The following CACNA1C variants were observed in gnomAD, a reference collection of about 807,000 sequenced individuals.
The protein encoded by CACNA1C is calcium voltage-gated channel subunit alpha1 C, also known as voltage-dependent L-type calcium channel subunit alpha-1C.
A neutral mutation model predicts 229.0 loss-of-function variants in CACNA1C; 30 were observed. The observed-to-expected ratio is 0.13, with a 90% CI of 0.10 to 0.18. The LOEUF is 0.18. CACNA1C is among the 10% of genes least tolerant of loss of function. CACNA1C has a pLI of 1.00. For missense variants in CACNA1C, 1,658 were observed against 2,845.0 expected (o/e 0.58, Z 9.49); for synonymous variants, 1,114 against 1,132.5 (o/e 0.98, Z 0.33).
In CACNA1C at chr12:2,608,508, C is replaced by T. The variant is rs757159281; in HGVS notation, c.3357-3C>T. 3 of 1,601,820 alleles carry T rather than the reference C, an allele frequency of 1.9e-6. No individual in the cohort carries two copies. Among genetic ancestry groups the T allele is most frequent in the Non-Finnish European group, 2.6e-6 (3 of 1,172,572 alleles). ...CCTCTGTGGGACCTGTCTCCTCCTG[C>T]AGGCTGCTGTACCGCTCCATCGACT... On this transcript the variant is annotated splice_polypyrimidine_tract_variant and splice_region_variant and intron_variant, in intron 26 of 46. Coordinates refer to ENST00000399655, the MANE Select transcript of CACNA1C (RefSeq NM_000719.7). This position sits in a 1 kb window ranked among gnomAD's most constrained non-coding sequence, Gnocchi z 4.2.
intron 3 of CACNA1C, among the ~76,000 whole-genome samples, chr12:2,124,258 G>C (rs548368067): frequency 6.6e-6 from 1 of 152,072 alleles, no homozygotes; most frequent in Non-Finnish European, 1.5e-5. Flanking sequence ...AAAGGGCCAG[G>C]GTGTCAGGGT....
intron 3 of CACNA1C, among the ~76,000 whole-genome samples, chr12:2,308,393 A>C (rs1227780378): frequency 6.6e-6 from 1 of 152,148 alleles, no homozygotes; most frequent in Non-Finnish European, 1.5e-5. Flanking sequence ...ATGGTGTGAG[A>C]TAAGGGTTCA....
At chr12:2,680,361 A>C (rs374272423) in intron 42 of CACNA1C, 2 of 1,546,358 alleles carry the variant, frequency 1.3e-6, no homozygotes, top group Non-Finnish European at 1.7e-6. Flanking sequence ...CCTGTGCTCT[A>C]GGATGCACTG....
chr12:2,418,336 G>T (rs1437429644), intron 3 of CACNA1C, among the ~76,000 whole-genome samples: 1 of 152,170 alleles, frequency 6.6e-6, no homozygotes, highest in Non-Finnish European at 1.5e-5. Context: ...GCTCCAAGGA[G>T]AGCAACCACT....
chr12:2,572,321 TTCC>T (rs1236389342), intron 13 of CACNA1C, among the ~76,000 whole-genome samples: 1 of 74,226 alleles, frequency 1.3e-5, no homozygotes, highest in Admixed American at 1.2e-4. Context: ...CCTCCTCCTC[TTCC>T]TCCTCCTTCT....
rs779722023 is a variant in CACNA1C, at chr12:2,669,041, G to A, written c.4726+6G>A. On this transcript the variant is annotated splice_donor_region_variant and intron_variant, in intron 38 of 46. Coordinates refer to ENST00000399655, the MANE Select transcript of CACNA1C (RefSeq NM_000719.7). ...CCTGAGGATCAAAACAGAAGGTAAG[G>A]TCGCCCGTGGGCACTGGGAGAGACA... The A allele has an allele frequency of 6.3e-7, 1 of 1,593,704 alleles. No homozygotes were observed. Among genetic ancestry groups the A allele is most frequent in the East Asian group, 2.2e-5 (1 of 44,776 alleles).
intron 3 of CACNA1C, among the ~76,000 whole-genome samples, chr12:2,426,331 A>G (rs2099031889): frequency 6.6e-6 from 1 of 152,230 alleles, no homozygotes; most frequent in Non-Finnish European, 1.5e-5. Context: ...AGTGTGTGAG[A>G]GATGCCACAA....
At position 2,468,799 on chromosome 12, in the gene CACNA1C, G is replaced by A. The variant is rs986615760; in HGVS notation, c.757+11093G>A. On this transcript the variant is annotated intron_variant, in intron 5 of 46. Coordinates refer to ENST00000399655, the MANE Select transcript of CACNA1C (RefSeq NM_000719.7). ...GTGAGGAGACCAGGGATCTAAGTCTGGCCAGCTGTGTGACCTTGTCATTTA... is the reference window on the plus strand; with the variant it reads ...GTGAGGAGACCAGGGATCTAAGTCTAGCCAGCTGTGTGACCTTGTCATTTA... 2.0e-5 allele frequency among the ~76,000 whole-genome samples: 3 copies of A among 152,336 alleles called. No individual in the cohort carries two copies. The South Asian group carries it at 6.2e-4, about 32-fold the overall frequency.
chr12:2,230,999 C>T (rs181489942), intron 3 of CACNA1C, among the ~76,000 whole-genome samples: 75 of 152,256 alleles, frequency 4.9e-4, no homozygotes, highest in East Asian at 4.4e-3. Context: ...ATTTGCCACG[C>T]GGACTATTGG....
At position 2,491,992 on chromosome 12, in the gene CACNA1C, CTCTCTT is replaced by C. The variant is rs748965472; in HGVS notation, c.917-1196_917-1191del. ...TCTCTCTCTCTCTCTCTCTCTCTCTCTCTCTTTGGAAGTGTATTTTCATTGTTATAG... is the reference window on the plus strand; with the variant it reads ...TCTCTCTCTCTCTCTCTCTCTCTCTCTGGAAGTGTATTTTCATTGTTATAG... On this transcript the variant is annotated intron_variant, in intron 6 of 46. Coordinates refer to ENST00000399655, the MANE Select transcript of CACNA1C (RefSeq NM_000719.7). Among the ~76,000 whole-genome samples, 1,222 of 143,128 alleles carry C rather than the reference CTCTCTT, an allele frequency of 8.5e-3. 11 individuals are homozygous for C. Among genetic ancestry groups the C allele is most frequent in the African/African-American group, 0.029 (1,096 of 37,690 alleles). The allele number at this position is 143,128 out of a possible 152,430, so 93.9% of individuals were successfully genotyped here.
intron 1 of CACNA1C, chr12:1,992,848 T>C (rs761575709): frequency 1.5e-5 from 6 of 392,110 alleles, no homozygotes; most frequent in Non-Finnish European, 2.8e-5. Flanking sequence ...AAACACTTTG[T>C]CAGCTCACTC....
At chr12:2,165,178 A>G (rs865990069) in intron 3 of CACNA1C, among the ~76,000 whole-genome samples, 25 of 152,248 alleles carry the variant, frequency 1.6e-4, no homozygotes, top group Middle Eastern at 3.2e-3. Context: ...TGAGTGATTC[A>G]AACAGGCTGC....
intron 1 of CACNA1C, among the ~76,000 whole-genome samples, chr12:1,988,402 A>T (rs2038408302): frequency 6.6e-6 from 1 of 152,212 alleles, no homozygotes; most frequent in Non-Finnish European, 1.5e-5. Context: ...CACTGGCCAA[A>T]GCAATTAGTA....
intron 3 of CACNA1C, among the ~76,000 whole-genome samples, chr12:2,359,717 C>G (rs2097502940): frequency 6.6e-6 from 1 of 152,022 alleles, no homozygotes; most frequent in African/African-American, 2.4e-5. Flanking sequence ...GATGATTTAA[C>G]TGGGACAGAG....
intron 14 of CACNA1C, 76 bp from the exon 15 acceptor site, chr12:2,582,746 G>A: frequency 2.0e-6 from 3 of 1,530,342 alleles, no homozygotes; most frequent in Non-Finnish European, 2.7e-6. Context: ...TTGACGTAGT[G>A]GGGCAGGGCA....
upstream of CACNA1C, among the ~76,000 whole-genome samples, chr12:2,050,369 C>T (rs1030194777): frequency 3.3e-5 from 5 of 152,188 alleles, no homozygotes; most frequent in South Asian, 2.1e-4. Flanking sequence ...ATAATCATGA[C>T]GATAACACAT....
At chr12:2,330,756 A>G (rs1160078298) in intron 3 of CACNA1C, among the ~76,000 whole-genome samples, 2 of 152,262 alleles carry the variant, frequency 1.3e-5, no homozygotes, top group Admixed American at 1.3e-4. Context: ...TATATAATAA[A>G]TGGTGCTAGG....
At chr12:2,242,650 C>T (rs2154375719) in intron 3 of CACNA1C, among the ~76,000 whole-genome samples, 1 of 152,334 alleles carries the variant, frequency 6.6e-6, no homozygotes, top group South Asian at 2.1e-4. Flanking sequence ...TCTTTACTTC[C>T]TACCTGCTCC....
At chr12:2,288,034 C>G (rs940374675) in intron 3 of CACNA1C, 1 of 150,912 alleles carries the variant, frequency 6.6e-6, no homozygotes, top group African/African-American at 2.4e-5. Flanking sequence ...GTGCTAGGCA[C>G]TGAGTTAGAG....
Sources: gnomAD v4.1 joint callset for allele counts (sites outside exome capture counted in the v4.1 genomes callset) on GRCh38, gnomAD v4.1.1 for gene constraint, Gnocchi (gnomAD v3.1) non-coding constraint, MANE v1.5 for transcripts, NCBI Gene and HGNC (gene_info 2026-07-23, HGNC 2026-07-21) for gene names.